Variants in BRINP3 observed in about 807,000 individuals in gnomAD.
BRINP3 encodes BMP/retinoic acid inducible neural specific 3, also known as BMP/retinoic acid-inducible neural-specific protein 3.
In BRINP3, 19 loss-of-function variants were observed where a neutral mutation model predicts 71.0. The observed-to-expected ratio is 0.27, with a 90% confidence interval of 0.19 to 0.39. The LOEUF is 0.39. Among genes scored for constraint, BRINP3 ranks in the 10% least tolerant of loss-of-function variants. The probability of loss-of-function intolerance (pLI) is 1.00; values close to 1 mark genes in which losing one functional copy is unlikely to be tolerated. For synonymous variants in BRINP3, 380 were observed against 337.7 expected (o/e 1.13, Z -1.37); for missense variants, 959 against 940.8 (o/e 1.02, Z -0.25).
At chr1:190,334,432 C>T (rs1044805206) in intron 2 of BRINP3, among the ~76,000 whole-genome samples, 6 of 151,630 alleles carry the variant, frequency 4.0e-5, no homozygotes, top group African/African-American at 1.5e-4. Context: ...GAAAAAGATG[C>T]AATTTTTTTC....
Position 190,177,476 on chromosome 1 carries a change from C to T in BRINP3, c.962-16586G>A, listed in dbSNP as rs562699721. 3.3e-5 allele frequency among the ~76,000 whole-genome samples: 5 copies of T among 151,654 alleles called. No homozygotes were observed. The South Asian group carries it at 1.0e-3, about 32-fold the overall frequency. On this transcript the variant is annotated intron_variant, in intron 6 of 7. Transcript: ENST00000367462. The stretch of plus-strand genomic sequence containing the variant: ...TACAGGCGTGAGGCACCACGCCCGG[C>T]CCGGGAGCACCTACTTCTAGCACAA...
chr1:190,443,372 T>C (rs1423265794), intron 2 of BRINP3, among the ~76,000 whole-genome samples: 1 of 149,034 alleles, frequency 6.7e-6, no homozygotes, highest in East Asian at 2.0e-4. Context: ...GCCTGGGCAC[T>C]CTAGCCTGGG....
chr1:190,340,621 C>T (rs1008790174), intron 2 of BRINP3, among the ~76,000 whole-genome samples: 1 of 151,830 alleles, frequency 6.6e-6, no homozygotes, highest in African/African-American at 2.4e-5. Context: ...AGACTATTTA[C>T]TGGAACTTCA....
chr1:190,231,341 T>C (rs1418796468), intron 5 of BRINP3, among the ~76,000 whole-genome samples: 1 of 151,760 alleles, frequency 6.6e-6, no homozygotes, highest in Middle Eastern at 3.2e-3. Flanking sequence ...GCCAAAACAC[T>C]CATGAACCAT....
chr1:190,347,835 A>G (rs1165608721), intron 2 of BRINP3, among the ~76,000 whole-genome samples: 3 of 152,134 alleles, frequency 2.0e-5, no homozygotes, highest in African/African-American at 7.2e-5. Context: ...TCAATTATCA[A>G]TGAAAGAACT....
intron 2 of BRINP3, among the ~76,000 whole-genome samples, chr1:190,327,352 G>GA (rs796445574): frequency 3.7e-3 from 288 of 77,398 alleles, no homozygotes; most frequent in African/African-American, 0.011. Context: ...AAAAAAAAAG[G>GA]AAAAAAAAAA....
At chr1:190,214,425 C>T (rs1441083493) in intron 6 of BRINP3, among the ~76,000 whole-genome samples, 1 of 151,952 alleles carries the variant, frequency 6.6e-6, no homozygotes, top group Non-Finnish European at 1.5e-5. Context: ...GTGAATGCGT[C>T]CTGCATCTGG....
chr1:190,331,503 A>T (rs557585160), intron 2 of BRINP3, among the ~76,000 whole-genome samples: 9 of 152,140 alleles, frequency 5.9e-5, no homozygotes, highest in African/African-American at 2.2e-4. Context: ...GCTTTTAAAA[A>T]GTTGTTTGCT....
chr1:190,194,563 C>T (rs1558052756), intron 6 of BRINP3, among the ~76,000 whole-genome samples: 1 of 152,064 alleles, frequency 6.6e-6, no homozygotes, highest in African/African-American at 2.4e-5. Flanking sequence ...GAAAACTACA[C>T]TTTGTTTTCA....
intron 2 of BRINP3, among the ~76,000 whole-genome samples, chr1:190,293,333 C>T (rs1664011488): frequency 6.6e-6 from 1 of 152,036 alleles, no homozygotes; most frequent in African/African-American, 2.4e-5. Flanking sequence ...CAGTTTCCAT[C>T]ATTCCTCTTG....
At chr1:190,353,378 A>T (rs1482254635) in intron 2 of BRINP3, among the ~76,000 whole-genome samples, 2 of 152,034 alleles carry the variant, frequency 1.3e-5, no homozygotes, top group African/African-American at 4.8e-5. Flanking sequence ...ACTAAGTAAA[A>T]GTATGGTTTT....
chr1:190,250,973 T>G (rs188282828), intron 4 of BRINP3, among the ~76,000 whole-genome samples: 4 of 151,922 alleles, frequency 2.6e-5, no homozygotes, highest in Admixed American at 2.6e-4. Context: ...TACCAACAAT[T>G]TGGGTGGTGA....
chr1:190,227,392 C>T (rs940662166), intron 5 of BRINP3, among the ~76,000 whole-genome samples: 2 of 151,516 alleles, frequency 1.3e-5, no homozygotes, highest in Non-Finnish European at 3.0e-5. Context: ...CTTATATATT[C>T]GATTTCATAT....
intron 7 of BRINP3, among the ~76,000 whole-genome samples, chr1:190,147,003 ATAT>A (rs1376450567): frequency 8.5e-5 from 13 of 152,072 alleles, no homozygotes; most frequent in Non-Finnish European, 1.6e-4. Context: ...TTATTTTCTT[ATAT>A]TACATATTTT....
intron 2 of BRINP3, among the ~76,000 whole-genome samples, chr1:190,391,703 C>A (rs941415489): frequency 2.0e-5 from 3 of 151,674 alleles, no homozygotes; most frequent in African/African-American, 7.2e-5. Context: ...CTGTGGTGAT[C>A]TAAATGTAGG....
intron 7 of BRINP3, among the ~76,000 whole-genome samples, chr1:190,158,409 A>C (rs933064761): frequency 1.3e-5 from 2 of 152,058 alleles, no homozygotes; most frequent in African/African-American, 4.8e-5. Context: ...CAAGAACTAA[A>C]CATTTGGTAC....
At chr1:190,410,259 G>C (rs564863863) in intron 2 of BRINP3, among the ~76,000 whole-genome samples, 1 of 152,260 alleles carries the variant, frequency 6.6e-6, no homozygotes, top group Admixed American at 6.5e-5. Flanking sequence ...TTAGATGTGA[G>C]AGTTATGGGA....
At chr1:190,366,520 C>T (rs1669513139) in intron 2 of BRINP3, among the ~76,000 whole-genome samples, 1 of 152,022 alleles carries the variant, frequency 6.6e-6, no homozygotes, top group African/African-American at 2.4e-5. Context: ...TTGGCCTCTC[C>T]CAAATCTCAT....
chr1:190,309,360 T>A (rs1291560498), intron 2 of BRINP3, among the ~76,000 whole-genome samples: 1 of 151,848 alleles, frequency 6.6e-6, no homozygotes, highest in Non-Finnish European at 1.5e-5. Context: ...AACAGATTTC[T>A]GAAAATGTAT....
Sources: gnomAD v4.1 joint callset for allele counts (sites outside exome capture counted in the v4.1 genomes callset) on GRCh38, gnomAD v4.1.1 for gene constraint, MANE v1.5 for transcripts, NCBI Gene and HGNC (gene_info 2026-07-23, HGNC 2026-07-21) for gene names.